The following AUTS2 variants were observed in gnomAD, a reference collection of about 807,000 sequenced individuals.
AUTS2 encodes the protein autism susceptibility gene 2 protein.
Under a neutral mutation model 112.4 loss-of-function variants are expected in AUTS2, and 17 were observed. The observed-to-expected ratio is 0.15, with a 90% CI of 0.10 to 0.23. The LOEUF is 0.23. Ranked by LOEUF, AUTS2 falls within the 10% of genes least tolerant of loss-of-function variation. AUTS2 has a pLI of 1.00. For missense variants in AUTS2, 1,510 were observed against 1,701.6 expected (o/e 0.89, Z 1.98); for synonymous variants, 751 against 702.7 (o/e 1.07, Z -1.09).
chr7:69,734,348 GTTT>G (rs77361580), intron 1 of AUTS2, among the ~76,000 whole-genome samples: 2 of 131,986 alleles, frequency 1.5e-5, no homozygotes. Flanking sequence ...TTCCTCTTTA[GTTT>G]TTTTTTTTTT....
chr7:70,222,039 A>G (rs990866764), intron 4 of AUTS2, among the ~76,000 whole-genome samples: 1 of 152,270 alleles, frequency 6.6e-6, no homozygotes, highest in Non-Finnish European at 1.5e-5. Context: ...AACATAAAAT[A>G]CAACTTTGTT....
intron 4 of AUTS2, among the ~76,000 whole-genome samples, chr7:70,169,519 G>C (rs1338898542): frequency 6.6e-6 from 1 of 152,108 alleles, no homozygotes; most frequent in African/African-American, 2.4e-5. Context: ...GGGATTACAG[G>C]CATGAGCCAC....
At chr7:70,441,198 T>C (rs2130931926) in intron 5 of AUTS2, among the ~76,000 whole-genome samples, 1 of 152,262 alleles carries the variant, frequency 6.6e-6, no homozygotes. Context: ...TGACTCCTGA[T>C]TGCAGTTTTT....
intron 4 of AUTS2, among the ~76,000 whole-genome samples, chr7:70,433,757 C>T (rs1408233645): frequency 6.6e-6 from 1 of 152,174 alleles, no homozygotes; most frequent in Non-Finnish European, 1.5e-5. Context: ...TCTAATCCTC[C>T]AGTCTATAAG....
At chr7:70,206,845 A>G (rs911015547) in intron 4 of AUTS2, among the ~76,000 whole-genome samples, 1 of 152,134 alleles carries the variant, frequency 6.6e-6, no homozygotes, top group Non-Finnish European at 1.5e-5. Flanking sequence ...GCTCCCTGTT[A>G]ATCTTCTCCT....
intron 1 of AUTS2, among the ~76,000 whole-genome samples, chr7:69,712,104 C>T (rs1007080328): frequency 1.3e-5 from 2 of 152,176 alleles, no homozygotes; most frequent in African/African-American, 2.4e-5. Context: ...CTTCCCTCAT[C>T]ATGGCACTTA....
intron 1 of AUTS2, among the ~76,000 whole-genome samples, chr7:69,673,614 A>G (rs894267694): frequency 1.8e-4 from 28 of 152,238 alleles, no homozygotes; most frequent in Admixed American, 1.5e-3. Context: ...GATTCTCATT[A>G]AGAAGTTGGC....
intron 4 of AUTS2, among the ~76,000 whole-genome samples, chr7:70,172,042 C>A (rs1164299978): frequency 6.6e-6 from 1 of 152,060 alleles, no homozygotes; most frequent in African/African-American, 2.4e-5. Flanking sequence ...ATTGCTGTTG[C>A]TTTGTGATGG....
rs540613249 is a variant in AUTS2, at chr7:69,610,936, T to C, written c.309+10974T>C. On this transcript the variant is annotated intron_variant, in intron 1 of 18. Transcript: ENST00000342771. ...GAAGTCAGTGACATCTGTTATATCT[T>C]GTTAACCAGGGGAGGAAAATGCTTT... 3.3e-5 allele frequency among the ~76,000 whole-genome samples: 5 copies of C among 152,336 alleles called. No homozygotes were observed. The South Asian group carries it at 8.3e-4, about 25-fold the overall frequency.
intron 5 of AUTS2, among the ~76,000 whole-genome samples, chr7:70,456,275 G>GCTTTTA (rs1217022227): frequency 3.3e-5 from 5 of 152,088 alleles, no homozygotes; most frequent in East Asian, 1.9e-4. Flanking sequence ...ACACCTAAAA[G>GCTTTTA]CTTTTACTTT....
At chr7:69,648,424 G>A (rs956929558) in intron 1 of AUTS2, among the ~76,000 whole-genome samples, 2 of 150,842 alleles carry the variant, frequency 1.3e-5, no homozygotes, top group African/African-American at 2.4e-5. Flanking sequence ...GAGGTTTGGA[G>A]CAACAATGTG....
chr7:70,338,115 AT>A (rs1363046196), intron 4 of AUTS2, among the ~76,000 whole-genome samples: 4 of 152,240 alleles, frequency 2.6e-5, no homozygotes, highest in Non-Finnish European at 5.9e-5. Context: ...TAATTAAACT[AT>A]ATTTACATGT....
At chr7:70,618,759 G>A (rs943189882) in intron 5 of AUTS2, among the ~76,000 whole-genome samples, 5 of 151,944 alleles carry the variant, frequency 3.3e-5, no homozygotes, top group African/African-American at 1.2e-4. Context: ...GGAAACACAG[G>A]GAGAGAGAGA....
intron 2 of AUTS2, among the ~76,000 whole-genome samples, chr7:70,074,204 T>C (rs568570685): frequency 2.0e-5 from 3 of 152,336 alleles, no homozygotes; most frequent in African/African-American, 7.2e-5. Context: ...TTAGCTGACT[T>C]TTGCAGTTTG....
At chr7:70,055,880 G>A (rs1050788394) in intron 2 of AUTS2, among the ~76,000 whole-genome samples, 1 of 151,984 alleles carries the variant, frequency 6.6e-6, no homozygotes, top group Non-Finnish European at 1.5e-5. Flanking sequence ...TTGAAATGGA[G>A]TCTTGCTCTT....
At chr7:69,800,156 T>C (rs1032962578) in intron 1 of AUTS2, among the ~76,000 whole-genome samples, 1 of 152,226 alleles carries the variant, frequency 6.6e-6, no homozygotes, top group Non-Finnish European at 1.5e-5. Flanking sequence ...AATTTGTTTC[T>C]GACTATTCAC....
At chr7:70,070,209 T>A (rs1802689624) in intron 2 of AUTS2, among the ~76,000 whole-genome samples, 1 of 152,132 alleles carries the variant, frequency 6.6e-6, no homozygotes, top group African/African-American at 2.4e-5. Flanking sequence ...TTGCTTGTAC[T>A]GCCAGCCTGG....
At chr7:70,599,576 A>G (rs772701505) in intron 5 of AUTS2, among the ~76,000 whole-genome samples, 10 of 152,192 alleles carry the variant, frequency 6.6e-5, no homozygotes, top group Non-Finnish European at 1.5e-4. Context: ...CAGATTTCTC[A>G]TATGCATTAT....
intron 1 of AUTS2, among the ~76,000 whole-genome samples, chr7:69,891,686 A>AT (rs1278378078): frequency 7.0e-6 from 1 of 142,696 alleles, no homozygotes; most frequent in East Asian, 2.3e-4. Flanking sequence ...ATGTAGTGGT[A>AT]TCTCATTGTG....
Sources: gnomAD v4.1 joint callset for allele counts (sites outside exome capture counted in the v4.1 genomes callset) on GRCh38, gnomAD v4.1.1 for gene constraint, MANE v1.5 for transcripts, NCBI Gene and HGNC (gene_info 2026-07-23, HGNC 2026-07-21) for gene names.